Variants in FBN2 observed in about 807,000 individuals in gnomAD.
FBN2 encodes fibrillin 2.
FBN2 carries 105 observed loss-of-function variants against 355.6 expected under a neutral mutation model. The ratio of observed to expected loss-of-function variants is 0.30; its 90% CI spans 0.25 to 0.35. FBN2 has a LOEUF of 0.35. Among genes scored for constraint, FBN2 ranks in the 10% least tolerant of loss-of-function variants. The probability of loss-of-function intolerance (pLI) is 1.00; values close to 1 mark genes in which losing one functional copy is unlikely to be tolerated. For synonymous variants in FBN2, 1,350 were observed against 1,301.2 expected (o/e 1.04, Z -0.81); for missense variants, 3,280 against 3,758.7 (o/e 0.87, Z 3.33).
At chr5:128,531,149 T>C (rs1756690489) in intron 2 of FBN2, among the ~76,000 whole-genome samples, 2 of 152,056 alleles carry the variant, frequency 1.3e-5, no homozygotes, top group Admixed American at 1.3e-4. Flanking sequence ...AACTGTTATA[T>C]ATATATGGTG....
chr5:128,310,400 A>AT (rs1229574383), intron 39 of FBN2, among the ~76,000 whole-genome samples: 27 of 13,270 alleles, frequency 2.0e-3, no homozygotes, highest in Non-Finnish European at 2.9e-3. Flanking sequence ...ATATATATAT[A>AT]TATTTTTTTT....
chr5:128,355,612 G>A (rs1751479632), intron 20 of FBN2, among the ~76,000 whole-genome samples: 1 of 152,144 alleles, frequency 6.6e-6, no homozygotes, highest in Admixed American at 6.5e-5. Flanking sequence ...AACCACTGAT[G>A]AGAGCCACTG....
Position 128,364,204 on chromosome 5 carries a change from C to T in FBN2, c.2428+396G>A, listed in dbSNP as rs892444032. On this transcript the variant is annotated intron_variant, in intron 18 of 64. Transcript: ENST00000262464. ...GTTGTCATGTTTAGGTATATTGTGG[C>T]AACTGGTTGTTTCTTTATGAAGTTA... Among the ~76,000 whole-genome samples the T allele has an allele frequency of 3.3e-5, 5 of 152,024 alleles. No homozygotes were observed. The East Asian group carries it at 5.8e-4, about 18-fold the overall frequency.
At chr5:128,458,445 T>C (rs752436787) in intron 6 of FBN2, among the ~76,000 whole-genome samples, 1 of 151,598 alleles carries the variant, frequency 6.6e-6, no homozygotes, top group Non-Finnish European at 1.5e-5. Flanking sequence ...AACTCAGCTC[T>C]GGATCAAGTG....
At position 128,259,172 on chromosome 5, in the gene FBN2, C is replaced by A; in HGVS notation, c.*283G>T. 1 of 385,022 alleles carries A rather than the reference C, an allele frequency of 2.6e-6. No individual in the cohort carries two copies. Among genetic ancestry groups the A allele is most frequent in the Non-Finnish European group, 4.7e-6 (1 of 211,550 alleles). 23.9% of individuals were successfully genotyped at this position (385,022 alleles called of 1,614,324 possible). ...TCACATTATTTTTGTGCATTTAGTG[C>A]CATATGCTGATATCTTGAACATTTA... On this transcript the variant is annotated 3_prime_UTR_variant, in exon 65 of 65. Coordinates refer to ENST00000262464, the MANE Select transcript of FBN2 (RefSeq NM_001999.4).
At chr5:128,477,705 C>G (rs937362292) in intron 5 of FBN2, among the ~76,000 whole-genome samples, 1 of 152,128 alleles carries the variant, frequency 6.6e-6, no homozygotes, top group African/African-American at 2.4e-5. Context: ...TGATGATGCA[C>G]AACAGACCCC....
At chr5:128,276,009 G>T (rs1393567672) in intron 59 of FBN2, 29 bp downstream of exon 59, 5 of 1,611,442 alleles carry the variant, frequency 3.1e-6, no homozygotes, top group Admixed American at 3.3e-5. Flanking sequence ...ACAGACTAGG[G>T]TCACGATTGT....
At chr5:128,271,860 T>C in intron 62 of FBN2, 139 bp downstream of exon 62, 4 of 941,886 alleles carry the variant, frequency 4.2e-6, no homozygotes, top group South Asian at 4.0e-5. Flanking sequence ...TGAGTCCCCA[T>C]GCATCAGTCT....
chr5:128,265,142 T>C (rs969675481), intron 62 of FBN2, among the ~76,000 whole-genome samples: 1 of 152,188 alleles, frequency 6.6e-6, no homozygotes, highest in Admixed American at 6.5e-5. Flanking sequence ...AACTGCTATT[T>C]TATTTCTATA....
In FBN2 at chr5:128,380,730, A is replaced by G. The variant is rs977623721; in HGVS notation, c.1604-1840T>C. Among the ~76,000 whole-genome samples, 11 of 152,190 alleles carry G rather than the reference A, an allele frequency of 7.2e-5. No homozygotes were observed. In the East Asian group the frequency reaches 1.9e-3, roughly 27 times the overall value. On this transcript the variant is annotated intron_variant, in intron 11 of 64. Transcript: ENST00000262464. ...TTTCTGGGATTTTCAGTTTTAGACTAGTCACAAACGACCACTGCCAACTTC... is the reference window on the plus strand; with the variant it reads ...TTTCTGGGATTTTCAGTTTTAGACTGGTCACAAACGACCACTGCCAACTTC...
chr5:128,377,451 T>C (rs947016728), intron 13 of FBN2, among the ~76,000 whole-genome samples: 6 of 152,012 alleles, frequency 3.9e-5, no homozygotes, highest in Non-Finnish European at 8.8e-5. Flanking sequence ...TTTAAACTTA[T>C]GAAGAATAAC....
At chr5:128,467,943 T>C (rs1463859758) in intron 5 of FBN2, among the ~76,000 whole-genome samples, 4 of 152,222 alleles carry the variant, frequency 2.6e-5, no homozygotes, top group African/African-American at 7.2e-5. Context: ...AATTGTTTTG[T>C]TGTTTCAAAT....
At chr5:128,319,153 A>G (rs937540351) in intron 34 of FBN2, 152 bp from the exon 35 acceptor site, 2 of 630,434 alleles carry the variant, frequency 3.2e-6, no homozygotes, top group Admixed American at 5.3e-5. Context: ...AGATAAGTGT[A>G]AAGGGCAAGC....
At chr5:128,509,375 C>T (rs571176103) in intron 5 of FBN2, among the ~76,000 whole-genome samples, 1 of 152,184 alleles carries the variant, frequency 6.6e-6, no homozygotes, top group South Asian at 2.1e-4. Context: ...CCATTAATCC[C>T]ATCCAGAAAA....
chr5:128,360,553 G>C (rs1751612620), intron 19 of FBN2, among the ~76,000 whole-genome samples: 1 of 152,006 alleles, frequency 6.6e-6, no homozygotes, highest in Non-Finnish European at 1.5e-5. Context: ...ATTTTATGCT[G>C]AAGTTTTCTT....
intron 5 of FBN2, among the ~76,000 whole-genome samples, chr5:128,507,675 T>A (rs1322781867): frequency 6.6e-6 from 1 of 152,104 alleles, no homozygotes; most frequent in Non-Finnish European, 1.5e-5. Flanking sequence ...GAGTTGTTCA[T>A]TATCTACTTA....
At chr5:128,508,523 T>C (rs1007837287) in intron 5 of FBN2, among the ~76,000 whole-genome samples, 1 of 152,038 alleles carries the variant, frequency 6.6e-6, no homozygotes, top group Non-Finnish European at 1.5e-5. Flanking sequence ...TCCCAGCCTC[T>C]GTGTATTGTT....
At chr5:128,275,016 G>T (rs989615477) in intron 59 of FBN2, among the ~76,000 whole-genome samples, 6 of 152,138 alleles carry the variant, frequency 3.9e-5, no homozygotes, top group African/African-American at 1.4e-4. Flanking sequence ...GTACATGGCT[G>T]ATTACTGATT....
intron 5 of FBN2, among the ~76,000 whole-genome samples, chr5:128,494,475 A>G (rs1156905125): frequency 6.6e-6 from 1 of 152,150 alleles, no homozygotes; most frequent in Admixed American, 6.5e-5. Flanking sequence ...CCAAAAATTT[A>G]TCCTGCAAAG....
Sources: gnomAD v4.1 joint callset for allele counts (sites outside exome capture counted in the v4.1 genomes callset) on GRCh38, gnomAD v4.1.1 for gene constraint, MANE v1.5 for transcripts, NCBI Gene and HGNC (gene_info 2026-07-23, HGNC 2026-07-21) for gene names.